The following ZBBX variants were observed in gnomAD, a reference collection of about 807,000 sequenced individuals.
The protein encoded by ZBBX is zinc finger B-box domain-containing protein 1.
A neutral mutation model predicts 108.5 loss-of-function variants in ZBBX; 101 were observed. The observed-to-expected ratio is 0.93, with a 90% CI of 0.79 to 1.10. The LOEUF is 1.10. Ranked by LOEUF, ZBBX falls within the 50% of genes least tolerant of loss-of-function variation. The pLI is 0.00. For synonymous variants in ZBBX, 356 were observed against 323.4 expected, an observed-to-expected ratio of 1.10 and a Z score of -1.08; for missense variants, 1,009 against 941.4, an observed-to-expected ratio of 1.07 and a Z score of -0.94.
At chr3:167,182,674 A>G in the ZBBX span, among the ~76,000 whole-genome samples, 1 of 152,218 alleles carries the variant, frequency 6.6e-6, no homozygotes, top group African/African-American at 2.4e-5. Context: ...TGGAAGCTTC[A>G]TCTGCCCACC....
At chr3:167,342,908 T>C (rs1740796065) in intron 9 of ZBBX, among the ~76,000 whole-genome samples, 2 of 151,760 alleles carry the variant, frequency 1.3e-5, no homozygotes, top group Non-Finnish European at 2.9e-5. Flanking sequence ...TCCAAATCCA[T>C]CAAATTGTGT....
Position 167,282,436 on chromosome 3 carries a change from T to G in ZBBX, c.2056A>C (p.Ser686Arg). 1 of 1,614,048 alleles carries G rather than the reference T, an allele frequency of 6.2e-7. No homozygotes were observed. Among genetic ancestry groups the G allele is most frequent in the Non-Finnish European group, 8.5e-7 (1 of 1,179,926 alleles). The change falls in exon 20 of 22, where the codon AGC becomes CGC. Residue 686 changes from serine (S) to arginine (R), a missense_variant. Coordinates refer to ENST00000675490, the MANE Select transcript of ZBBX (RefSeq NM_001199201.2). ...NFPLSNSVKESSSCLSSSHPR... is the reference protein window; with the variant it reads ...NFPLSNSVKERSSCLSSSHPR... ...TGAGAGGATGAAAGGCAACTGGAGC[T>G]TTCTTTAACAGAGTTGGAAAGTGGA... is the stretch of plus-strand genomic sequence containing the variant.
intron 8 of ZBBX, 83 bp from the exon 9 acceptor site, chr3:167,350,598 T>A (rs1226827186): frequency 1.0e-6 from 1 of 972,552 alleles, no homozygotes; most frequent in Non-Finnish European, 1.5e-6. Context: ...GATGTCTTGT[T>A]TTTTAATATT....
chr3:167,301,203 T>C (rs1732612742), intron 17 of ZBBX, among the ~76,000 whole-genome samples: 2 of 152,330 alleles, frequency 1.3e-5, no homozygotes, highest in East Asian at 1.9e-4. Context: ...TAGAGTAGTA[T>C]GCATTAACAT....
At chr3:167,329,927 C>T (rs1433191790) in intron 10 of ZBBX, among the ~76,000 whole-genome samples, 1 of 152,184 alleles carries the variant, frequency 6.6e-6, no homozygotes, top group South Asian at 2.1e-4. Context: ...CATTTGCCCA[C>T]ATTGATCAAC....
At chr3:167,302,401 CA>C (rs1286134023) in intron 17 of ZBBX, among the ~76,000 whole-genome samples, 42 of 152,000 alleles carry the variant, frequency 2.8e-4, no homozygotes, top group Admixed American at 6.6e-4. Flanking sequence ...TTGATTTTAT[CA>C]TGTACATAAT....
the ZBBX span, among the ~76,000 whole-genome samples, chr3:167,231,079 T>C: frequency 6.6e-6 from 1 of 151,780 alleles, no homozygotes; most frequent in African/African-American, 2.4e-5. Flanking sequence ...TTGTCAATTA[T>C]AAAATGGAGA....
chr3:167,215,097 A>G, the ZBBX span, among the ~76,000 whole-genome samples: 2 of 152,084 alleles, frequency 1.3e-5, no homozygotes, highest in African/African-American at 4.8e-5. Context: ...TACCAAACCA[A>G]TCCCAAAGCT....
chr3:167,191,983 A>G, the ZBBX span, among the ~76,000 whole-genome samples: 41,674 of 138,790 alleles, frequency 0.3, 6,989 homozygotes, highest in East Asian at 0.64. Flanking sequence ...ATAACAAAAA[A>G]AACCTCTTCA....
the ZBBX span, among the ~76,000 whole-genome samples, chr3:167,224,350 T>C: frequency 6.6e-6 from 1 of 151,954 alleles, no homozygotes; most frequent in Non-Finnish European, 1.5e-5. Context: ...GATACAAAAT[T>C]ACAGTTAGAT....
intron 20 of ZBBX, among the ~76,000 whole-genome samples, chr3:167,267,253 G>A (rs2108451563): frequency 6.6e-6 from 1 of 152,226 alleles, no homozygotes; most frequent in Admixed American, 6.5e-5. Context: ...TTTCTGCAAG[G>A]GAAGCATCCA....
chr3:167,279,295 G>A (rs1377018633), intron 20 of ZBBX, among the ~76,000 whole-genome samples: 1 of 151,496 alleles, frequency 6.6e-6, no homozygotes, highest in East Asian at 1.9e-4. Context: ...TAGGAAAAGA[G>A]GAAGTCAAAT....
At chr3:167,357,203 G>A (rs1281636662) in intron 8 of ZBBX, among the ~76,000 whole-genome samples, 2 of 152,128 alleles carry the variant, frequency 1.3e-5, no homozygotes, top group African/African-American at 4.8e-5. Context: ...CCAACATTAA[G>A]AGGTCAATAC....
At chr3:167,316,897 A>G in intron 14 of ZBBX, 108 bp downstream of exon 14, 1 of 580,456 alleles carries the variant, frequency 1.7e-6, no homozygotes, top group South Asian at 3.3e-5. Flanking sequence ...CTATTAAACT[A>G]TGTTAGTTAT....
At chr3:167,364,564 T>C (rs1309782914) in intron 6 of ZBBX, among the ~76,000 whole-genome samples, 1 of 151,970 alleles carries the variant, frequency 6.6e-6, no homozygotes, top group Non-Finnish European at 1.5e-5. Flanking sequence ...TTTAGTTTTT[T>C]TTTATATTAA....
chr3:167,332,775 A>T (rs564218596), intron 10 of ZBBX, among the ~76,000 whole-genome samples: 1 of 152,318 alleles, frequency 6.6e-6, no homozygotes, highest in East Asian at 1.9e-4. Context: ...CAAAATAGTT[A>T]AATGCAGGAA....
the ZBBX span, among the ~76,000 whole-genome samples, chr3:167,217,248 T>C: frequency 6.6e-6 from 1 of 152,088 alleles, no homozygotes; most frequent in Non-Finnish European, 1.5e-5. Context: ...ATATTCAGCA[T>C]CTATAAGGAA....
the ZBBX span, among the ~76,000 whole-genome samples, chr3:167,180,132 G>C: frequency 9.3e-4 from 142 of 152,160 alleles, no homozygotes; most frequent in African/African-American, 3.3e-3. Flanking sequence ...GTGAATGCTG[G>C]GTTGAAAAAA....
At chr3:167,230,392 C>T in the ZBBX span, among the ~76,000 whole-genome samples, 3 of 151,586 alleles carry the variant, frequency 2.0e-5, no homozygotes, top group Non-Finnish European at 4.4e-5. Flanking sequence ...AAACATATTC[C>T]AATAATGGAA....
Sources: allele counts gnomAD v4.1 joint callset (sites outside exome capture counted in the v4.1 genomes callset), GRCh38; gene constraint gnomAD v4.1.1; transcripts MANE v1.5; gene names NCBI Gene and HGNC (gene_info 2026-07-23, HGNC 2026-07-21).